CDH13: variants seen among roughly 807,000 people sequenced by gnomAD.
The protein encoded by CDH13 is cadherin 13.
Under a neutral mutation model 63.8 loss-of-function variants are expected in CDH13, and 24 were observed. That is an observed-to-expected ratio of 0.38 (90% CI 0.27 to 0.53). The LOEUF (loss-of-function observed/expected upper bound fraction) is 0.53. Among genes scored for constraint, CDH13 ranks in the 20% least tolerant of loss-of-function variants. CDH13 has a pLI of 0.85. For synonymous variants in CDH13, 503 were observed against 355.3 expected, an observed-to-expected ratio of 1.42 and a Z score of -4.67; for missense variants, 1,049 against 903.1, an observed-to-expected ratio of 1.16 and a Z score of -2.07.
intron 2 of CDH13, among the ~76,000 whole-genome samples, chr16:82,899,924 AG>A (rs2041404369): frequency 6.6e-6 from 1 of 152,176 alleles, no homozygotes. Context: ...AGTGATTACG[AG>A]GGCAGAGCAG....
intron 6 of CDH13, among the ~76,000 whole-genome samples, chr16:83,469,195 T>C (rs1269381173): frequency 6.6e-6 from 1 of 152,176 alleles, no homozygotes; most frequent in Non-Finnish European, 1.5e-5. Flanking sequence ...TTCAACTCAG[T>C]GTTTTTTCAG....
At chr16:82,741,899 T>C (rs1020563550) in intron 1 of CDH13, among the ~76,000 whole-genome samples, 1 of 152,178 alleles carries the variant, frequency 6.6e-6, no homozygotes, top group African/African-American at 2.4e-5. Flanking sequence ...TACTTAAATA[T>C]ATTCATATGT....
intron 6 of CDH13, among the ~76,000 whole-genome samples, chr16:83,449,468 G>A (rs557848602): frequency 8.4e-4 from 128 of 152,240 alleles, no homozygotes; most frequent in Non-Finnish European, 1.7e-3. Context: ...GCAGGAAGAT[G>A]GTGACTTTTT....
chr16:82,977,406 G>A (rs779171688), intron 2 of CDH13, among the ~76,000 whole-genome samples: 20 of 152,192 alleles, frequency 1.3e-4, no homozygotes, highest in Non-Finnish European at 2.8e-4. Flanking sequence ...ATCTCATCTT[G>A]AATTGTAGTT....
chr16:83,392,627 A>G (rs2091810390), intron 6 of CDH13, among the ~76,000 whole-genome samples: 1 of 152,188 alleles, frequency 6.6e-6, no homozygotes, highest in African/African-American at 2.4e-5. Flanking sequence ...AGCAGTTCCA[A>G]GCCCTCATCT....
rs778464839 is a variant in CDH13, at chr16:83,795,042, G to A, written c.*12G>A. 1.5e-4 allele frequency: 242 copies of A among 1,587,112 alleles called. 2 individuals carry two copies. In the Middle Eastern group the frequency reaches 5.6e-3, roughly 37 times the overall value. ...ATTCAGGTCTGTGAGAACTCCTGACGTCTGAAGCTTGACTCCCAAGTTTCC... is the reference window on the plus strand; with the variant it reads ...ATTCAGGTCTGTGAGAACTCCTGACATCTGAAGCTTGACTCCCAAGTTTCC... On this transcript the variant is annotated 3_prime_UTR_variant, in exon 14 of 14. Transcript: ENST00000567109.
At chr16:83,761,589 T>C (rs919216350) in intron 11 of CDH13, among the ~76,000 whole-genome samples, 3 of 152,212 alleles carry the variant, frequency 2.0e-5, no homozygotes, top group African/African-American at 7.2e-5. Context: ...ATTTGAACGC[T>C]ATTTGAACAG....
intron 8 of CDH13, among the ~76,000 whole-genome samples, chr16:83,610,729 G>A (rs1908783517): frequency 6.6e-6 from 1 of 152,112 alleles, no homozygotes; most frequent in African/African-American, 2.4e-5. Flanking sequence ...GTGGGCATTT[G>A]GGTTATTTCC....
chr16:82,958,621 A>G (rs1906481287), intron 2 of CDH13, among the ~76,000 whole-genome samples: 1 of 152,254 alleles, frequency 6.6e-6, no homozygotes, highest in Admixed American at 6.5e-5. Flanking sequence ...CCATGGAGAT[A>G]TTAAACAGGC....
intron 3 of CDH13, among the ~76,000 whole-genome samples, chr16:83,119,126 C>A (rs2035446958): frequency 6.6e-6 from 1 of 152,172 alleles, no homozygotes. Context: ...TTGGAGGAGA[C>A]CTCTGCCTTG....
At chr16:83,662,997 C>A (rs1422270206) in intron 8 of CDH13, among the ~76,000 whole-genome samples, 1 of 152,234 alleles carries the variant, frequency 6.6e-6, no homozygotes, top group Non-Finnish European at 1.5e-5. Context: ...CTCTCAATTT[C>A]TCCATTCTTT....
At chr16:82,851,604 AAAACACC>A (rs1286550898) in intron 1 of CDH13, among the ~76,000 whole-genome samples, 1 of 152,190 alleles carries the variant, frequency 6.6e-6, no homozygotes, top group East Asian at 1.9e-4. Context: ...CTGGGGCTGT[AAAACACC>A]AGGAACATTT....
intron 6 of CDH13, among the ~76,000 whole-genome samples, chr16:83,363,089 A>T (rs1173701768): frequency 2.0e-5 from 3 of 152,234 alleles, no homozygotes; most frequent in Non-Finnish European, 4.4e-5. Flanking sequence ...GAGTTAGAAA[A>T]ACTGTAACCA....
chr16:83,058,264 G>C (rs7500599), intron 3 of CDH13, among the ~76,000 whole-genome samples: 1 of 151,802 alleles, frequency 6.6e-6, no homozygotes, highest in Admixed American at 6.6e-5. Flanking sequence ...TTGGTTACTG[G>C]GGAAAAACTG....
intron 4 of CDH13, among the ~76,000 whole-genome samples, chr16:83,216,402 A>ATG (rs2039514280): frequency 6.0e-5 from 3 of 50,320 alleles, no homozygotes; most frequent in Middle Eastern, 0.011. Context: ...ATTGAAATAT[A>ATG]TATATATATA....
chr16:82,813,535 A>G (rs934144465), intron 1 of CDH13, among the ~76,000 whole-genome samples: 1 of 152,112 alleles, frequency 6.6e-6, no homozygotes, highest in Non-Finnish European at 1.5e-5. Flanking sequence ...AGATAGTGCT[A>G]TGAGCTACCT....
At chr16:82,679,961 G>C (rs1914364598) in intron 1 of CDH13, among the ~76,000 whole-genome samples, 1 of 152,146 alleles carries the variant, frequency 6.6e-6, no homozygotes, top group Admixed American at 6.5e-5. Flanking sequence ...TGATCTTCTT[G>C]ACGGTGGTGA....
At chr16:82,688,064 A>G (rs372566570) in intron 1 of CDH13, among the ~76,000 whole-genome samples, 15 of 152,204 alleles carry the variant, frequency 9.9e-5, no homozygotes, top group East Asian at 9.6e-4. Context: ...AGAAATGACA[A>G]CAGTGTTTGT....
intron 8 of CDH13, among the ~76,000 whole-genome samples, chr16:83,664,977 C>T (rs943789709): frequency 6.6e-6 from 1 of 152,144 alleles, no homozygotes; most frequent in African/African-American, 2.4e-5. Flanking sequence ...GCAACAGACA[C>T]AACAAATATT....
Sources: allele counts gnomAD v4.1 joint callset (sites outside exome capture counted in the v4.1 genomes callset), GRCh38; gene constraint gnomAD v4.1.1; transcripts MANE v1.5; gene names NCBI Gene and HGNC (gene_info 2026-07-23, HGNC 2026-07-21).